MAST4: variants seen among roughly 807,000 people sequenced by gnomAD.
MAST4 encodes microtubule-associated serine/threonine-protein kinase 4.
A neutral mutation model predicts 162.7 loss-of-function variants in MAST4; 89 were observed. The observed-to-expected ratio is 0.55, with a 90% CI of 0.46 to 0.65. The LOEUF (loss-of-function observed/expected upper bound fraction) is 0.65. Among genes scored for constraint, MAST4 ranks in the 30% least tolerant of loss-of-function variants. The pLI is 0.00. For synonymous variants in MAST4, 1,479 were observed against 1,361.1 expected, an observed-to-expected ratio of 1.09 and a Z score of -1.91; for missense variants, 3,153 against 3,374.0, an observed-to-expected ratio of 0.93 and a Z score of 1.62.
At chr5:66,643,185 C>G (rs544575705) in intron 1 of MAST4, among the ~76,000 whole-genome samples, 1 of 152,028 alleles carries the variant, frequency 6.6e-6, no homozygotes, top group East Asian at 1.9e-4. Flanking sequence ...AGAAAAAATC[C>G]GCTTGATATG....
chr5:66,682,720 C>G (rs1748409897), intron 1 of MAST4, among the ~76,000 whole-genome samples: 1 of 152,178 alleles, frequency 6.6e-6, no homozygotes. Flanking sequence ...GAACAAATAA[C>G]TGCATAAGTA....
intron 3 of MAST4, among the ~76,000 whole-genome samples, chr5:66,858,635 T>C (rs2149832419): frequency 6.6e-6 from 1 of 152,348 alleles, no homozygotes; most frequent in Non-Finnish European, 1.5e-5. Flanking sequence ...TTCTTTTATT[T>C]AGAATTGATT....
intron 1 of MAST4, among the ~76,000 whole-genome samples, chr5:66,609,593 C>T (rs1743146672): frequency 6.6e-6 from 1 of 151,178 alleles, no homozygotes; most frequent in African/African-American, 2.4e-5. Context: ...TGCCATGCTG[C>T]CCAGGCTGGT....
At chr5:66,729,840 G>T (rs1488609218) in intron 1 of MAST4, among the ~76,000 whole-genome samples, 1 of 152,182 alleles carries the variant, frequency 6.6e-6, no homozygotes, top group South Asian at 2.1e-4. Context: ...AAATTAATAA[G>T]TGCTGAGTTT....
intron 4 of MAST4, among the ~76,000 whole-genome samples, chr5:66,994,069 C>T (rs750771563): frequency 1.3e-5 from 2 of 152,052 alleles, no homozygotes; most frequent in Non-Finnish European, 2.9e-5. Flanking sequence ...GATATGACTG[C>T]GTGCACCTGT....
At chr5:66,607,426 C>T (rs1423416722) in intron 1 of MAST4, among the ~76,000 whole-genome samples, 1 of 152,120 alleles carries the variant, frequency 6.6e-6, no homozygotes, top group Non-Finnish European at 1.5e-5. Context: ...TTCCTGTTGG[C>T]TTTGGGGAGT....
intron 1 of MAST4, among the ~76,000 whole-genome samples, chr5:66,657,175 C>T (rs1308414977): frequency 1.3e-5 from 2 of 152,166 alleles, no homozygotes; most frequent in Non-Finnish European, 1.5e-5. Flanking sequence ...TCTGTCTTTG[C>T]CTTCTTTTAA....
intron 4 of MAST4, among the ~76,000 whole-genome samples, chr5:66,968,914 A>C (rs1747081205): frequency 6.6e-6 from 1 of 151,944 alleles, no homozygotes; most frequent in African/African-American, 2.4e-5. Flanking sequence ...AAGTCATGGC[A>C]GATTACACAC....
chr5:67,093,743 A>T, intron 6 of MAST4: 1 of 389,338 alleles, frequency 2.6e-6, no homozygotes. Context: ...GAGTTAATGC[A>T]TCACAAAACA....
Position 66,828,571 on chromosome 5 carries a change from T to C in MAST4, c.642+39777T>C, listed in dbSNP as rs181050097. ...GAAGAGAAAACAAGGATCTCACGATTTCCTGTCTAATAGCAAGAGCCTCCT... is the reference window on the plus strand; with the variant it reads ...GAAGAGAAAACAAGGATCTCACGATCTCCTGTCTAATAGCAAGAGCCTCCT... On this transcript the variant is annotated intron_variant, in intron 3 of 28. Transcript: ENST00000403625. Among the ~76,000 whole-genome samples, 39 of 152,232 alleles carry C rather than the reference T, an allele frequency of 2.6e-4. 1 individual carries two copies. Among genetic ancestry groups the C allele is most frequent in the African/African-American group, 8.9e-4 (37 of 41,534 alleles).
At chr5:67,132,254 A>ATGG (rs1292789552) in intron 16 of MAST4, among the ~76,000 whole-genome samples, 1 of 152,134 alleles carries the variant, frequency 6.6e-6, no homozygotes, top group Non-Finnish European at 1.5e-5. Flanking sequence ...TACACATGCC[A>ATGG]TGGTGGTGTA....
At chr5:66,728,012 G>C (rs1317474664) in intron 1 of MAST4, among the ~76,000 whole-genome samples, 2 of 152,062 alleles carry the variant, frequency 1.3e-5, no homozygotes, top group African/African-American at 4.8e-5. Context: ...AAATAACTCA[G>C]GTTTTTAAGC....
intron 4 of MAST4, among the ~76,000 whole-genome samples, chr5:66,988,816 G>GGAAAACT (rs943488521): frequency 9.9e-5 from 15 of 152,074 alleles, no homozygotes; most frequent in Non-Finnish European, 2.9e-5. Flanking sequence ...AACTACAACA[G>GGAAAACT]GAAAACTGTA....
At chr5:66,954,415 G>A (rs758631484) in intron 4 of MAST4, among the ~76,000 whole-genome samples, 1 of 152,102 alleles carries the variant, frequency 6.6e-6, no homozygotes, top group Non-Finnish European at 1.5e-5. Flanking sequence ...CTGAATTGGT[G>A]GTTTCTGCAA....
At chr5:66,970,103 G>T (rs1015744158) in intron 4 of MAST4, among the ~76,000 whole-genome samples, 1 of 152,180 alleles carries the variant, frequency 6.6e-6, no homozygotes, top group Non-Finnish European at 1.5e-5. Context: ...CCCTGTGGGT[G>T]TGGGGCTGGG....
rs372558238 is a variant in MAST4, at chr5:66,684,502, C to T, written c.364-75207C>T. 1.8e-3 allele frequency among the ~76,000 whole-genome samples: 267 copies of T among 152,224 alleles called. 1 individual carries two copies. The highest frequency in any genetic ancestry group is 6.0e-3 in the African/African-American group (251 of 41,530). ...GTTTGGAAATCGGGTGCCTAAATTGCTCTGGAAGGAGTCTGAATATTTATG... is the reference window on the plus strand; with the variant it reads ...GTTTGGAAATCGGGTGCCTAAATTGTTCTGGAAGGAGTCTGAATATTTATG... On this transcript the variant is annotated intron_variant, in intron 1 of 28. Coordinates refer to ENST00000403625, the MANE Select transcript of MAST4 (RefSeq NM_001164664.2).
At chr5:66,895,683 C>T (rs1387179767) in intron 3 of MAST4, among the ~76,000 whole-genome samples, 2 of 152,140 alleles carry the variant, frequency 1.3e-5, no homozygotes, top group South Asian at 2.1e-4. Context: ...GAATCTCTCT[C>T]ACCTACAGTA....
intron 4 of MAST4, among the ~76,000 whole-genome samples, chr5:66,954,855 C>A (rs571434036): frequency 6.6e-6 from 1 of 150,760 alleles, no homozygotes; most frequent in South Asian, 2.1e-4. Context: ...GAGCCGAGAT[C>A]ACGCTACTGC....
At chr5:66,835,271 C>G (rs988582477) in intron 3 of MAST4, among the ~76,000 whole-genome samples, 3 of 152,176 alleles carry the variant, frequency 2.0e-5, no homozygotes, top group Non-Finnish European at 4.4e-5. Context: ...TTCTCCCTCT[C>G]TAGGTGAACC....
Sources: gnomAD v4.1 joint callset for allele counts (sites outside exome capture counted in the v4.1 genomes callset) on GRCh38, gnomAD v4.1.1 for gene constraint, MANE v1.5 for transcripts, NCBI Gene and HGNC (gene_info 2026-07-23, HGNC 2026-07-21) for gene names.